The following GLI3 variants were observed in gnomAD, a reference collection of about 807,000 sequenced individuals.
The protein encoded by GLI3 is GLI family zinc finger 3.
GLI3 carries 20 observed loss-of-function variants against 100.8 expected under a neutral mutation model. That is an observed-to-expected ratio of 0.20 (90% CI 0.14 to 0.29). The LOEUF is 0.29. GLI3 is among the 10% of genes least tolerant of loss of function. GLI3 has a pLI of 1.00. For missense variants in GLI3, 2,040 were observed against 2,128.5 expected, an observed-to-expected ratio of 0.96 and a Z score of 0.82; for synonymous variants, 938 against 860.5, an observed-to-expected ratio of 1.09 and a Z score of -1.58.
intron 2 of GLI3, among the ~76,000 whole-genome samples, chr7:42,182,524 G>C (rs1044454817): frequency 4.0e-5 from 6 of 149,760 alleles, no homozygotes; most frequent in African/African-American, 1.5e-4. Flanking sequence ...TTCGCCAAAG[G>C]ACCTCACATT....
chr7:42,201,379 C>T (rs1028681537), intron 2 of GLI3, among the ~76,000 whole-genome samples: 3 of 152,106 alleles, frequency 2.0e-5, no homozygotes, highest in Admixed American at 6.5e-5. Context: ...ATCAGTCCAT[C>T]GGGTAGAAAC....
At chr7:41,985,679 G>C (rs927415673) in intron 10 of GLI3, among the ~76,000 whole-genome samples, 3 of 152,018 alleles carry the variant, frequency 2.0e-5, no homozygotes, top group African/African-American at 7.2e-5. Flanking sequence ...CTGAAATAAG[G>C]TCTATACCCT....
At chr7:41,983,741 T>C (rs914912356) in intron 10 of GLI3, among the ~76,000 whole-genome samples, 12 of 152,144 alleles carry the variant, frequency 7.9e-5, no homozygotes, top group African/African-American at 2.9e-4. Context: ...ACTCTCCCTG[T>C]CTGAATAAAC....
chr7:42,117,383 T>C (rs1188572654), intron 3 of GLI3, among the ~76,000 whole-genome samples: 1 of 152,182 alleles, frequency 6.6e-6, no homozygotes, highest in Non-Finnish European at 1.5e-5. Flanking sequence ...GTCTGACAGG[T>C]AGTTTTACAT....
chr7:42,045,544 A>G lies in GLI3; in HGVS notation c.680-14T>C. 1.2e-6 allele frequency: 2 copies of G among 1,613,622 alleles called. 1 individual carries two copies. The highest frequency in any genetic ancestry group is 2.2e-5 in the South Asian group (2 of 91,074). On this transcript the variant is annotated splice_polypyrimidine_tract_variant and intron_variant, in intron 5 of 14. Transcript: ENST00000395925. The stretch of plus-strand genomic sequence containing the variant: ...CTGCATGGGGCGCTAGGAGGAGACA[A>G]GAGATGTATGGTTACTAGCGAAAGA...
chr7:42,109,649 C>A (rs11771710), intron 3 of GLI3, among the ~76,000 whole-genome samples: 18,834 of 152,194 alleles, frequency 0.12, 1,502 homozygotes, highest in Non-Finnish European at 0.19. Flanking sequence ...ATTTGGAAAA[C>A]CTTGTTTTCC....
chr7:42,129,305 G>T (rs1378431409), intron 3 of GLI3, among the ~76,000 whole-genome samples: 1 of 152,158 alleles, frequency 6.6e-6, no homozygotes, highest in African/African-American at 2.4e-5. Context: ...GGCAGAATTA[G>T]GATTTGAACT....
intron 2 of GLI3, among the ~76,000 whole-genome samples, chr7:42,212,193 T>G (rs775927437): frequency 2.6e-5 from 4 of 152,180 alleles, no homozygotes; most frequent in Non-Finnish European, 5.9e-5. Flanking sequence ...TGTTTTTATT[T>G]TTAAAGATAA....
chr7:42,255,684 C>T (rs1021514279), intron 1 of GLI3, among the ~76,000 whole-genome samples: 1 of 152,228 alleles, frequency 6.6e-6, no homozygotes, highest in East Asian at 1.9e-4. Context: ...TGTATAGATG[C>T]CCTACATTTT....
At position 42,052,195 on chromosome 7, in the gene GLI3, A is replaced by G. The variant is rs1221692863; in HGVS notation, c.474-3499T>C. On this transcript the variant is annotated intron_variant, in intron 4 of 14. Coordinates refer to ENST00000395925, the MANE Select transcript of GLI3 (RefSeq NM_000168.6). Reference sequence around the variant, plus strand: ...AATATTCCATTGTATGGAATAGCTTATTTACTCTTTCACTTACTGAAGGAA... The same window carrying G: ...AATATTCCATTGTATGGAATAGCTTGTTTACTCTTTCACTTACTGAAGGAA... Among the ~76,000 whole-genome samples the G allele has an allele frequency of 2.0e-5, 3 of 152,278 alleles. No individual in the cohort carries two copies. In the East Asian group the frequency reaches 5.8e-4, roughly 29 times the overall value.
intron 2 of GLI3, among the ~76,000 whole-genome samples, chr7:42,176,549 C>T (rs1022556266): frequency 6.6e-6 from 1 of 152,214 alleles, no homozygotes; most frequent in South Asian, 2.1e-4. Context: ...GCACAAATAG[C>T]GGGATTGCCA....
At chr7:42,174,278 C>A (rs1490367015) in intron 2 of GLI3, among the ~76,000 whole-genome samples, 2 of 152,224 alleles carry the variant, frequency 1.3e-5, no homozygotes, top group East Asian at 1.9e-4. Context: ...AACCAGGTAA[C>A]CTTCCCACAA....
chr7:42,184,409 T>A (rs1370924691), intron 2 of GLI3, among the ~76,000 whole-genome samples: 1 of 152,152 alleles, frequency 6.6e-6, no homozygotes, highest in Non-Finnish European at 1.5e-5. Flanking sequence ...TTTATGATCA[T>A]CAGAGCACCC....
chr7:42,093,855 A>C (rs2128758316), intron 3 of GLI3, among the ~76,000 whole-genome samples: 1 of 152,240 alleles, frequency 6.6e-6, no homozygotes, highest in South Asian at 2.1e-4. Flanking sequence ...TCTTTATCCA[A>C]AGCCAGAGGT....
At chr7:42,233,271 A>C in intron 1 of GLI3, among the ~76,000 whole-genome samples, 1 of 152,236 alleles carries the variant, frequency 6.6e-6, no homozygotes. Flanking sequence ...AAAACTTAAG[A>C]AAAGGATCTT....
In GLI3 at chr7:42,064,391, G is replaced by A. The variant is rs376492397; in HGVS notation, c.473+12361C>T. Among the ~76,000 whole-genome samples the A allele has an allele frequency of 2.3e-3, 348 of 152,304 alleles. 1 individual carries two copies. Among genetic ancestry groups the A allele is most frequent in the South Asian group, 0.014 (69 of 4,830 alleles). On this transcript the variant is annotated intron_variant, in intron 4 of 14. Transcript: ENST00000395925. Reference sequence around the variant, plus strand: ...TTTGTACATGAAAACAAGGCCTGCAGAGATGACGGAAAGTGCTCAAGGATC... The same window carrying A: ...TTTGTACATGAAAACAAGGCCTGCAAAGATGACGGAAAGTGCTCAAGGATC...
intron 10 of GLI3, among the ~76,000 whole-genome samples, chr7:42,005,458 T>TAC (rs3030321): frequency 0.062 from 8,889 of 143,462 alleles, 329 homozygotes; most frequent in African/African-American, 0.099. Flanking sequence ...TGAATTCACA[T>TAC]ACACACACAC....
intron 10 of GLI3, among the ~76,000 whole-genome samples, chr7:42,015,965 C>T (rs1321550259): frequency 1.3e-5 from 2 of 152,066 alleles, no homozygotes; most frequent in Non-Finnish European, 2.9e-5. Flanking sequence ...GGGGGCAATA[C>T]TGTCTCCCAG....
At chr7:41,988,475 G>A (rs201770094) in intron 10 of GLI3, among the ~76,000 whole-genome samples, 538 of 2,230 alleles carry the variant, frequency 0.24, no homozygotes, top group Middle Eastern at 0.33. Flanking sequence ...AAAAAAAAAA[G>A]GGGGGGGGGG....
Sources: allele counts gnomAD v4.1 joint callset (sites outside exome capture counted in the v4.1 genomes callset), GRCh38; gene constraint gnomAD v4.1.1; transcripts MANE v1.5; gene names NCBI Gene and HGNC (gene_info 2026-07-23, HGNC 2026-07-21).